ZNF608: variants seen among roughly 807,000 people sequenced by gnomAD.
ZNF608 encodes the protein renal carcinoma antigen NY-REN-36.
In ZNF608, 12 loss-of-function variants were observed where a neutral mutation model predicts 109.0. The ratio of observed to expected loss-of-function variants is 0.11; its 90% CI spans 0.07 to 0.18. The LOEUF (loss-of-function observed/expected upper bound fraction) is 0.18, where lower values mean the gene tolerates loss of function less well. Among genes scored for constraint, ZNF608 ranks in the 10% least tolerant of loss-of-function variants. The pLI is 1.00. For missense variants in ZNF608, 1,707 were observed against 1,879.3 expected (o/e 0.91, Z 1.70); for synonymous variants, 732 against 717.4 (o/e 1.02, Z -0.33).
rs560853957 is a variant in ZNF608, at chr5:124,647,541, T to C, written c.2843A>G (p.Asp948Gly). The change falls in exon 5 of 10, where the codon GAT becomes GGT. Residue 948 changes from aspartate to glycine, a missense_variant. By Grantham distance (94) the Asp-to-Gly change is moderately conservative. This residue lies in a region of ZNF608 where 1,073 missense variants were observed against 1,133.5 expected (regional missense o/e 0.95). Transcript: ENST00000513986. ...CTCCGACCTGCTGTCAGAACCACCA[T>C]CGTCAGCAGCATCAGATATGTCTGA... is the stretch of plus-strand genomic sequence containing the variant. ...AYSDISDAAD[D>G]GGSDSRSEGM... The C allele has an allele frequency of 1.6e-4, 251 of 1,614,100 alleles. No individual in the cohort carries two copies. Among genetic ancestry groups the C allele is most frequent in the Non-Finnish European group, 2.1e-4 (243 of 1,180,036 alleles).
At chr5:124,725,038 A>G (rs1271347536) in intron 2 of ZNF608, among the ~76,000 whole-genome samples, 1 of 151,896 alleles carries the variant, frequency 6.6e-6, no homozygotes, top group Non-Finnish European at 1.5e-5. Flanking sequence ...TCCCTCATCC[A>G]GCTTCAGTCA....
intron 2 of ZNF608, among the ~76,000 whole-genome samples, chr5:124,741,033 G>C (rs534496269): frequency 6.6e-6 from 1 of 152,268 alleles, no homozygotes; most frequent in South Asian, 2.1e-4. Flanking sequence ...TGGAGAGGCA[G>C]GTTTTAACAA....
chr5:124,735,437 C>G (rs985230637), intron 2 of ZNF608, among the ~76,000 whole-genome samples: 2 of 152,198 alleles, frequency 1.3e-5, no homozygotes, highest in South Asian at 2.1e-4. Context: ...GCCACGCCCC[C>G]AGGAGCCCAG....
chr5:124,689,089 G>A (rs555860568), intron 3 of ZNF608, among the ~76,000 whole-genome samples: 25 of 152,246 alleles, frequency 1.6e-4, no homozygotes, highest in African/African-American at 5.5e-4. Flanking sequence ...AAAGAAATAC[G>A]TATAAGATGT....
intron 2 of ZNF608, among the ~76,000 whole-genome samples, chr5:124,723,340 G>A (rs73298943): frequency 0.035 from 5,259 of 152,212 alleles, 283 homozygotes; most frequent in African/African-American, 0.11. Flanking sequence ...GCCTTTTATG[G>A]CTAAGGGGTT....
chr5:124,701,255 A>G lies in ZNF608; in HGVS notation c.921T>C (p.Phe307=). 2 of 1,614,062 alleles carry G rather than the reference A, an allele frequency of 1.2e-6. No individual in the cohort carries two copies. Among genetic ancestry groups the G allele is most frequent in the Non-Finnish European group, 1.7e-6 (2 of 1,179,984 alleles). ...KLKTEKVDPL[F]TVPAPPPPIS... is the part of the protein sequence containing the mutation. ...TCGGCGGTGGTGGCGCTGGCACTGT[A>G]AACAGGGGGTCAACCTGAAAGACAG... The change falls in exon 3 of 10, where the codon TTT becomes TTC. Residue 307 remains phenylalanine, a synonymous_variant. Transcript: ENST00000513986.
At chr5:124,664,767 G>A (rs994567656) in intron 3 of ZNF608, among the ~76,000 whole-genome samples, 2 of 152,156 alleles carry the variant, frequency 1.3e-5, no homozygotes, top group Non-Finnish European at 2.9e-5. Context: ...AAATAACACA[G>A]TGTCATGAAG....
intron 2 of ZNF608, among the ~76,000 whole-genome samples, chr5:124,702,388 C>T (rs79621922): frequency 0.019 from 2,883 of 151,748 alleles, 96 homozygotes; most frequent in African/African-American, 0.066. Flanking sequence ...GTAAAAAGGG[C>T]GCATCGAAGA....
At chr5:124,641,678 T>G (rs1232277752) in intron 7 of ZNF608, among the ~76,000 whole-genome samples, 5 of 152,200 alleles carry the variant, frequency 3.3e-5, no homozygotes, top group African/African-American at 1.2e-4. Context: ...CTCTCTATAT[T>G]CATTCATAAT....
intron 2 of ZNF608, among the ~76,000 whole-genome samples, chr5:124,718,026 G>C (rs1302855712): frequency 6.6e-6 from 1 of 152,164 alleles, no homozygotes; most frequent in East Asian, 1.9e-4. Flanking sequence ...AGCAATTGGT[G>C]CTCTCTCACT....
upstream of ZNF608, chr5:124,748,707 T>TA (rs1172185614): frequency 1.8e-5 from 9 of 491,340 alleles, no homozygotes; most frequent in Middle Eastern, 1.0e-3. Flanking sequence ...AATTAAAATT[T>TA]AAAAAAAGCA....
intron 3 of ZNF608, 117 bp from the exon 4 acceptor site, chr5:124,649,814 T>C (rs1750700870): frequency 4.7e-6 from 3 of 635,008 alleles, no homozygotes; most frequent in Non-Finnish European, 7.8e-6. Context: ...CATTTGCTTT[T>C]AAAAGCTGTG....
At chr5:124,657,137 A>C (rs1371583698) in intron 3 of ZNF608, among the ~76,000 whole-genome samples, 1 of 152,040 alleles carries the variant, frequency 6.6e-6, no homozygotes, top group Non-Finnish European at 1.5e-5. Flanking sequence ...ATCATTTCCC[A>C]CTTCTAGAAG....
intron 3 of ZNF608, among the ~76,000 whole-genome samples, chr5:124,652,193 AAAATTAT>A (rs776490370): frequency 6.6e-6 from 1 of 152,246 alleles, no homozygotes; most frequent in Non-Finnish European, 1.5e-5. Context: ...TCCTCACTGT[AAAATTAT>A]TCACATCTCC....
At chr5:124,651,965 T>G (rs1750805616) in intron 3 of ZNF608, among the ~76,000 whole-genome samples, 1 of 152,238 alleles carries the variant, frequency 6.6e-6, no homozygotes, top group Admixed American at 6.5e-5. Context: ...CAGTGAAAGC[T>G]TCGGTCTGCG....
At chr5:124,696,725 G>T (rs555278848) in intron 3 of ZNF608, among the ~76,000 whole-genome samples, 5 of 152,266 alleles carry the variant, frequency 3.3e-5, no homozygotes, top group Admixed American at 2.6e-4. Flanking sequence ...ATAGCATCTT[G>T]ATAGACACTA....
intron 3 of ZNF608, among the ~76,000 whole-genome samples, chr5:124,687,864 A>C (rs1349418668): frequency 2.6e-5 from 4 of 152,166 alleles, no homozygotes. Flanking sequence ...AGTTATATAC[A>C]GAAGAAGACA....
chr5:124,735,160 G>C (rs889345140), intron 2 of ZNF608: 2 of 152,228 alleles, frequency 1.3e-5, no homozygotes, highest in Non-Finnish European at 2.9e-5. Flanking sequence ...AGATGTGTGC[G>C]TGCAAGTAAA....
intron 5 of ZNF608, among the ~76,000 whole-genome samples, chr5:124,644,908 G>A (rs921363583): frequency 6.6e-6 from 1 of 152,164 alleles, no homozygotes; most frequent in Non-Finnish European, 1.5e-5. Context: ...TTAAAGTTCA[G>A]GCAACATCAA....
Sources: gnomAD v4.1 joint callset for allele counts (sites outside exome capture counted in the v4.1 genomes callset) on GRCh38, gnomAD v4.1.1 for gene constraint, gnomAD v4.1.1 regional missense constraint, MANE v1.5 for transcripts, NCBI Gene and HGNC (gene_info 2026-07-23, HGNC 2026-07-21) for gene names.